SPAG16: variants seen among roughly 807,000 people sequenced by gnomAD.
SPAG16 encodes sperm associated antigen 16.
In SPAG16, 86 loss-of-function variants were observed where a neutral mutation model predicts 80.4. The observed-to-expected ratio is 1.07, with a 90% CI of 0.90 to 1.28. The LOEUF is 1.28. Among genes scored for constraint, SPAG16 ranks in the 50% most tolerant of loss-of-function variants. The probability of loss-of-function intolerance (pLI) is 0.00; values close to 1 mark genes in which losing one functional copy is unlikely to be tolerated. For missense variants in SPAG16, 870 were observed against 765.3 expected, an observed-to-expected ratio of 1.14 and a Z score of -1.61; for synonymous variants, 294 against 265.9, an observed-to-expected ratio of 1.11 and a Z score of -1.03.
intron 11 of SPAG16, among the ~76,000 whole-genome samples, chr2:213,878,868 C>T (rs74474192): frequency 6.6e-6 from 1 of 152,064 alleles, no homozygotes; most frequent in African/African-American, 2.4e-5. Flanking sequence ...CTGCATATAG[C>T]AATCCAGTTT....
intron 12 of SPAG16, among the ~76,000 whole-genome samples, chr2:213,952,103 T>C (rs1447671743): frequency 6.6e-6 from 1 of 152,114 alleles, no homozygotes; most frequent in Non-Finnish European, 1.5e-5. Context: ...ACAATGATTC[T>C]CTACAGAAAA....
intron 15 of SPAG16, chr2:214,239,849 G>GAA (rs1689341801): frequency 6.6e-6 from 1 of 151,906 alleles, no homozygotes. Flanking sequence ...CATAAATTGG[G>GAA]AAGCATATGC....
intron 10 of SPAG16, among the ~76,000 whole-genome samples, chr2:213,596,162 C>T (rs757954248): frequency 2.6e-5 from 4 of 151,962 alleles, no homozygotes; most frequent in African/African-American, 4.8e-5. Flanking sequence ...AAGCAATAGG[C>T]CAGGCACATT....
At chr2:214,266,387 A>G (rs1691570267) in intron 15 of SPAG16, among the ~76,000 whole-genome samples, 1 of 151,926 alleles carries the variant, frequency 6.6e-6, no homozygotes, top group African/African-American at 2.4e-5. Flanking sequence ...TTGCCAATAG[A>G]TAGACTTTAT....
intron 14 of SPAG16, among the ~76,000 whole-genome samples, chr2:214,117,036 G>C (rs1353721139): frequency 1.3e-5 from 2 of 152,154 alleles, no homozygotes; most frequent in African/African-American, 4.8e-5. Context: ...TGATTTTAAA[G>C]TGACAGGGAT....
At chr2:213,780,776 A>C (rs148895964) in intron 10 of SPAG16, among the ~76,000 whole-genome samples, 92 of 152,110 alleles carry the variant, frequency 6.0e-4, no homozygotes, top group African/African-American at 2.1e-3. Context: ...AACTGCCTGT[A>C]TGCTTTTTTT....
At chr2:213,461,624 A>G (rs1486385640) in intron 9 of SPAG16, among the ~76,000 whole-genome samples, 2 of 152,208 alleles carry the variant, frequency 1.3e-5, no homozygotes, top group African/African-American at 4.8e-5. Context: ...GCTTAAAATA[A>G]TTAGAATAAT....
At chr2:213,852,031 T>C (rs1237414619) in intron 10 of SPAG16, among the ~76,000 whole-genome samples, 1 of 152,246 alleles carries the variant, frequency 6.6e-6, no homozygotes, top group African/African-American at 2.4e-5. Flanking sequence ...CACTATCTTA[T>C]TTTGACAGAT....
At chr2:213,352,158 C>CTTTTTTT (rs534931836) in intron 7 of SPAG16, among the ~76,000 whole-genome samples, 84 of 141,784 alleles carry the variant, frequency 5.9e-4, no homozygotes, top group African/African-American at 2.0e-3. Context: ...AACCTCTAGT[C>CTTTTTTT]TTTTTTTTTT....
At position 213,350,644 on chromosome 2, in the gene SPAG16, A is replaced by G; in HGVS notation, c.761A>G (p.Gln254Arg). 1 of 1,537,844 alleles carries G rather than the reference A, an allele frequency of 6.5e-7. No homozygotes were observed. Among genetic ancestry groups the G allele is most frequent in the Non-Finnish European group, 8.8e-7 (1 of 1,133,386 alleles). The change falls in exon 7 of 16, where the codon CAG (glutamine) becomes CGG (arginine). Residue 254 changes from glutamine (Q) to arginine (R), a missense_variant and splice_region_variant. Gln to Arg is a conservative substitution (Grantham distance 43). Coordinates refer to ENST00000331683, the MANE Select transcript of SPAG16 (RefSeq NM_024532.5). Reference sequence around the variant, plus strand: ...TTGGAAAGAGACAAAGTAGTTGGGCAGGTAAAGATATAGTCAAAGCTAACT... The same window carrying G: ...TTGGAAAGAGACAAAGTAGTTGGGCGGGTAAAGATATAGTCAAAGCTAACT... ...TSLERDKVVG[Q>R]ISGLQETLKK...
At chr2:213,969,828 A>G (rs992889282) in intron 12 of SPAG16, among the ~76,000 whole-genome samples, 1 of 152,182 alleles carries the variant, frequency 6.6e-6, no homozygotes, top group Non-Finnish European at 1.5e-5. Context: ...GAAGAAAAAA[A>G]AACACCCTTT....
At chr2:213,970,238 G>C (rs1436691794) in intron 12 of SPAG16, among the ~76,000 whole-genome samples, 1 of 151,742 alleles carries the variant, frequency 6.6e-6, no homozygotes, top group Non-Finnish European at 1.5e-5. Flanking sequence ...CAAACATTTA[G>C]ACCGTAGCTG....
intron 10 of SPAG16, among the ~76,000 whole-genome samples, chr2:213,537,952 TTCAC>T (rs903879878): frequency 1.3e-5 from 2 of 152,194 alleles, no homozygotes; most frequent in Admixed American, 1.3e-4. Context: ...GTGGGGTTTA[TTCAC>T]TCACTCTTTC....
At chr2:213,902,849 G>A (rs1229873609) in intron 11 of SPAG16, among the ~76,000 whole-genome samples, 1 of 152,168 alleles carries the variant, frequency 6.6e-6, no homozygotes, top group East Asian at 1.9e-4. Context: ...GATACAGTGG[G>A]GGTACAGGTA....
At chr2:214,185,441 G>T (rs932309031) in intron 15 of SPAG16, among the ~76,000 whole-genome samples, 1 of 151,562 alleles carries the variant, frequency 6.6e-6, no homozygotes, top group Non-Finnish European at 1.5e-5. Flanking sequence ...AAATAAATTC[G>T]CATAAATAGA....
intron 10 of SPAG16, among the ~76,000 whole-genome samples, chr2:213,801,200 A>G (rs1173940581): frequency 2.0e-5 from 3 of 152,192 alleles, no homozygotes; most frequent in African/African-American, 4.8e-5. Context: ...TAAATAGAGG[A>G]GTGAGGAAGG....
intron 10 of SPAG16, among the ~76,000 whole-genome samples, chr2:213,759,996 T>C (rs1417565532): frequency 6.6e-6 from 1 of 151,504 alleles, no homozygotes; most frequent in Non-Finnish European, 1.5e-5. Flanking sequence ...GATTGTGCCA[T>C]GGCACTCCAT....
intron 15 of SPAG16, among the ~76,000 whole-genome samples, chr2:214,174,904 A>G (rs1173544812): frequency 6.6e-6 from 1 of 151,736 alleles, no homozygotes; most frequent in Non-Finnish European, 1.5e-5. Context: ...GTTAGCAAGT[A>G]CTAGTTCCAT....
At chr2:213,727,327 A>T (rs773219418) in intron 10 of SPAG16, among the ~76,000 whole-genome samples, 8 of 152,142 alleles carry the variant, frequency 5.3e-5, no homozygotes, top group Non-Finnish European at 1.0e-4. Context: ...AGTTTTTTTA[A>T]AAAAAAGTTT....
Sources: allele counts gnomAD v4.1 joint callset (sites outside exome capture counted in the v4.1 genomes callset), GRCh38; gene constraint gnomAD v4.1.1; transcripts MANE v1.5; gene names NCBI Gene and HGNC (gene_info 2026-07-23, HGNC 2026-07-21).